The following HSF2BP variants were observed in gnomAD, a reference collection of about 807,000 sequenced individuals.
HSF2BP encodes the protein heat shock transcription factor 2 binding protein, also known as heat shock factor 2-binding protein.
HSF2BP carries 35 observed loss-of-function variants against 35.0 expected under a neutral mutation model. The observed-to-expected ratio is 1.00, with a 90% CI of 0.76 to 1.32. The LOEUF is 1.32. HSF2BP is among the 40% of genes most tolerant of loss of function. The probability of loss-of-function intolerance (pLI) is 0.00; values close to 1 mark genes in which losing one functional copy is unlikely to be tolerated. For missense variants in HSF2BP, 326 were observed against 321.7 expected, an observed-to-expected ratio of 1.01 and a Z score of -0.10; for synonymous variants, 114 against 117.4, an observed-to-expected ratio of 0.97 and a Z score of 0.18.
In HSF2BP at chr21:43,634,221, C is replaced by A. The variant is rs114157569; in HGVS notation, c.292-800G>T. ...GTAGCTGGGCAAGTCTCCACCATGGCACTCTTCACAAGGGAAACACAGGGA... is the reference window on the plus strand; with the variant it reads ...GTAGCTGGGCAAGTCTCCACCATGGAACTCTTCACAAGGGAAACACAGGGA... On this transcript the variant is annotated intron_variant, in intron 4 of 8. Transcript: ENST00000291560. Among the ~76,000 whole-genome samples the A allele has an allele frequency of 5.4e-3, 817 of 152,226 alleles. 11 individuals are homozygous for A. The highest frequency in any genetic ancestry group is 0.019 in the African/African-American group (777 of 41,538).
intron 3 of HSF2BP, among the ~76,000 whole-genome samples, chr21:43,653,189 AGG>A (rs1568945221): frequency 1.1e-5 from 1 of 94,274 alleles, no homozygotes; most frequent in African/African-American, 4.1e-5. Flanking sequence ...GAAAAGGGAA[AGG>A]AAGGGAAGGG....
intron 7 of HSF2BP, among the ~76,000 whole-genome samples, chr21:43,598,410 C>T (rs189829750): frequency 5.7e-4 from 83 of 146,168 alleles, no homozygotes; most frequent in Admixed American, 2.1e-3. Flanking sequence ...TTAGTAGAGA[C>T]GGGGTTTCAC....
chr21:43,467,974 A>C, the HSF2BP span, among the ~76,000 whole-genome samples: 4 of 101,308 alleles, frequency 3.9e-5, no homozygotes, highest in Non-Finnish European at 5.9e-5. Context: ...CCACACACAC[A>C]CCACACACAC....
intron 6 of HSF2BP, among the ~76,000 whole-genome samples, chr21:43,621,967 A>G (rs990159405): frequency 1.3e-5 from 2 of 152,202 alleles, no homozygotes; most frequent in Non-Finnish European, 2.9e-5. Flanking sequence ...GCGACCTATT[A>G]AAAGACAGGT....
chr21:43,628,049 T>C (rs2082410841), intron 6 of HSF2BP, among the ~76,000 whole-genome samples: 1 of 150,346 alleles, frequency 6.7e-6, no homozygotes, highest in African/African-American at 2.4e-5. Flanking sequence ...TGACTGGCCA[T>C]TCCCGTTTCT....
intron 4 of HSF2BP, among the ~76,000 whole-genome samples, chr21:43,639,575 A>G (rs1295783026): frequency 2.0e-5 from 3 of 152,268 alleles, no homozygotes; most frequent in African/African-American, 7.2e-5. Context: ...TGTTAGGGAA[A>G]TGCAAATTAA....
intron 8 of HSF2BP, among the ~76,000 whole-genome samples, chr21:43,574,290 T>C (rs969975363): frequency 9.2e-5 from 14 of 152,246 alleles, no homozygotes; most frequent in African/African-American, 3.1e-4. Flanking sequence ...TCAGCAAATC[T>C]ACACGTTGGG....
chr21:43,640,319 C>T (rs1009279114), intron 4 of HSF2BP, among the ~76,000 whole-genome samples: 3 of 152,080 alleles, frequency 2.0e-5, no homozygotes, highest in African/African-American at 7.2e-5. Flanking sequence ...AAGTCAGTCG[C>T]AAAAGGTTAT....
chr21:43,653,039 G>A (rs963725328), intron 3 of HSF2BP, among the ~76,000 whole-genome samples: 1 of 152,058 alleles, frequency 6.6e-6, no homozygotes, highest in Admixed American at 6.6e-5. Context: ...GGAGACTGAG[G>A]CAAGAGAATC....
chr21:43,644,290 T>C lies in HSF2BP; in HGVS notation c.290A>G (p.Lys97Arg). The change falls in exon 4 of 9, where the codon AAG becomes AGG. Residue 97 changes from lysine (K) to arginine (R), a missense_variant and splice_region_variant. Lys to Arg is a conservative substitution (Grantham distance 26). Transcript: ENST00000291560. ...TVQADNIREKKEKLALRQQLN... is the reference protein window; with the variant it reads ...TVQADNIREKREKLALRQQLN... ...AGAGTCTGTCCCTGAGCATGGTACCTTCTTCTCTCTTATGTTGTCGGCCTG... is the reference window on the plus strand; with the variant it reads ...AGAGTCTGTCCCTGAGCATGGTACCCTCTTCTCTCTTATGTTGTCGGCCTG... 1 of 1,612,518 alleles carries C rather than the reference T, an allele frequency of 6.2e-7. No homozygotes were observed. The highest frequency in any genetic ancestry group is 1.1e-5 in the South Asian group (1 of 91,068).
intron 5 of HSF2BP, among the ~76,000 whole-genome samples, chr21:43,631,029 T>C (rs2082449423): frequency 6.6e-6 from 1 of 152,200 alleles, no homozygotes; most frequent in Non-Finnish European, 1.5e-5. Context: ...TTACAAATGA[T>C]ATAAGAAAAC....
At chr21:43,595,512 G>A (rs2081973405) in intron 7 of HSF2BP, among the ~76,000 whole-genome samples, 1 of 151,602 alleles carries the variant, frequency 6.6e-6, no homozygotes, top group Non-Finnish European at 1.5e-5. Flanking sequence ...TACAAAAACA[G>A]CTGGGCATGA....
intron 7 of HSF2BP, among the ~76,000 whole-genome samples, chr21:43,600,082 C>T (rs1168398707): frequency 6.6e-6 from 1 of 152,084 alleles, no homozygotes; most frequent in African/African-American, 2.4e-5. Flanking sequence ...ACACGAGTAA[C>T]TCATCTTCGA....
intron 7 of HSF2BP, among the ~76,000 whole-genome samples, chr21:43,595,142 G>T (rs2081969392): frequency 6.6e-6 from 1 of 152,108 alleles, no homozygotes; most frequent in Admixed American, 6.5e-5. Context: ...TGTACCTGTA[G>T]TCCCAACTAC....
At chr21:43,506,988 G>A in the HSF2BP span, among the ~76,000 whole-genome samples, 32 of 99,370 alleles carry the variant, frequency 3.2e-4, 2 homozygotes, top group African/African-American at 1.0e-3. Flanking sequence ...GAGAGACGGC[G>A]ACAACAGCAC....
chr21:43,641,009 G>T (rs2082629039), intron 4 of HSF2BP, among the ~76,000 whole-genome samples: 1 of 152,080 alleles, frequency 6.6e-6, no homozygotes, highest in Non-Finnish European at 1.5e-5. Flanking sequence ...ATATCTTTCT[G>T]TAGTTCATTC....
At chr21:43,631,490 T>A (rs959252756) in intron 5 of HSF2BP, among the ~76,000 whole-genome samples, 1 of 152,240 alleles carries the variant, frequency 6.6e-6, no homozygotes, top group East Asian at 1.9e-4. Context: ...ACCTCATCAG[T>A]CATCCTGTGT....
intron 4 of HSF2BP, among the ~76,000 whole-genome samples, chr21:43,636,248 GAAAAGAAAAGAAAAGAAAAGAAAAA>G (rs1288821967): frequency 5.8e-5 from 7 of 121,138 alleles, no homozygotes; most frequent in African/African-American, 2.7e-4. Context: ...GAAAAGAAAA[GAAAAGAAAAGAAAAGAAAAGAAAAA>G]ACGAAGGGGA....
At chr21:43,617,427 T>C (rs976477633) in intron 6 of HSF2BP, among the ~76,000 whole-genome samples, 22 of 151,198 alleles carry the variant, frequency 1.5e-4, no homozygotes, top group Admixed American at 6.6e-4. Context: ...TCAGTATTTG[T>C]CAATCTGTTG....
Sources: allele counts gnomAD v4.1 joint callset (sites outside exome capture counted in the v4.1 genomes callset), GRCh38; gene constraint gnomAD v4.1.1; transcripts MANE v1.5; gene names NCBI Gene and HGNC (gene_info 2026-07-23, HGNC 2026-07-21).